Variants in NRF1 observed in about 807,000 individuals in gnomAD.
The protein encoded by NRF1 is nuclear respiratory factor 1, also known as alpha palindromic-binding protein.
Under a neutral mutation model 58.5 loss-of-function variants are expected in NRF1, and 5 were observed. The observed-to-expected ratio is 0.09, with a 90% CI of 0.04 to 0.18. The LOEUF (loss-of-function observed/expected upper bound fraction) is 0.18, where lower values mean the gene tolerates loss of function less well. Ranked by LOEUF, NRF1 falls within the 10% of genes least tolerant of loss-of-function variation. NRF1 has a pLI of 1.00. For missense variants in NRF1, 288 were observed against 657.7 expected (o/e 0.44, Z 6.15); for synonymous variants, 224 against 246.7 (o/e 0.91, Z 0.86).
chr7:129,754,650 A>G lies in NRF1; in HGVS notation c.1349-368A>G, dbSNP rs1804209286. Among the ~76,000 whole-genome samples, 5 of 151,988 alleles carry G rather than the reference A, an allele frequency of 3.3e-5. No homozygotes were observed. In the South Asian group the frequency reaches 1.0e-3, roughly 32 times the overall value. On this transcript the variant is annotated intron_variant, in intron 10 of 10. Transcript: ENST00000393232. ...AGTAGGGTGACTGTAGCGAATAACA[A>G]TGTAGTCTGTGTTTCAAGATAGCTA...
intron 10 of NRF1, among the ~76,000 whole-genome samples, chr7:129,749,038 G>C (rs934216990): frequency 9.5e-4 from 145 of 152,232 alleles, no homozygotes; most frequent in Non-Finnish European, 1.3e-3. Flanking sequence ...ATCAGAGACA[G>C]ACCACTGTAA....
intron 1 of NRF1, among the ~76,000 whole-genome samples, chr7:129,628,122 C>A (rs1382580778): frequency 2.8e-5 from 4 of 141,426 alleles, no homozygotes; most frequent in Non-Finnish European, 6.0e-5. Context: ...TGGCTCACTG[C>A]AAGCTCTGCC....
intron 2 of NRF1, among the ~76,000 whole-genome samples, chr7:129,664,940 G>C (rs1269224640): frequency 1.3e-5 from 2 of 152,192 alleles, no homozygotes; most frequent in African/African-American, 4.8e-5. Context: ...CTTTCATCCA[G>C]TGGTGGGGGA....
intron 10 of NRF1, among the ~76,000 whole-genome samples, chr7:129,739,267 G>C (rs891000041): frequency 6.6e-6 from 1 of 152,210 alleles, no homozygotes; most frequent in Non-Finnish European, 1.5e-5. Context: ...TACGCCCTGA[G>C]ATACTGAATT....
intron 9 of NRF1, among the ~76,000 whole-genome samples, chr7:129,718,203 T>G (rs1803235300): frequency 6.6e-6 from 1 of 152,198 alleles, no homozygotes; most frequent in African/African-American, 2.4e-5. Context: ...GATGCAATTT[T>G]ATTTTTAATG....
At chr7:129,624,156 C>G (rs1275941020) in intron 1 of NRF1, among the ~76,000 whole-genome samples, 1 of 152,128 alleles carries the variant, frequency 6.6e-6, no homozygotes, top group East Asian at 1.9e-4. Context: ...CCCCAGATAC[C>G]AAAGGATGAC....
chr7:129,712,837 A>T (rs1803105597), intron 8 of NRF1, among the ~76,000 whole-genome samples: 1 of 152,190 alleles, frequency 6.6e-6, no homozygotes, highest in African/African-American at 2.4e-5. Flanking sequence ...AAGGATATGG[A>T]TTAGCAAAGC....
At chr7:129,634,061 T>TATATACACAC (rs764569771) in intron 1 of NRF1, among the ~76,000 whole-genome samples, 13 of 131,464 alleles carry the variant, frequency 9.9e-5, no homozygotes, top group African/African-American at 3.8e-4. Flanking sequence ...TATATATATA[T>TATATACACAC]ACACACACAC....
intron 5 of NRF1, among the ~76,000 whole-genome samples, chr7:129,705,875 A>G (rs1802938132): frequency 6.6e-6 from 1 of 152,158 alleles, no homozygotes; most frequent in Non-Finnish European, 1.5e-5. Flanking sequence ...CTGGAGGTTG[A>G]GGCTGCATTG....
chr7:129,662,581 T>TAATA (rs1351050817), intron 2 of NRF1, among the ~76,000 whole-genome samples: 3 of 152,154 alleles, frequency 2.0e-5, no homozygotes, highest in Non-Finnish European at 4.4e-5. Context: ...GGTGTACTAT[T>TAATA]ATATTTCAAT....
chr7:129,753,373 C>CCCT (rs1158770565), intron 10 of NRF1, among the ~76,000 whole-genome samples: 1 of 152,180 alleles, frequency 6.6e-6, no homozygotes, highest in Non-Finnish European at 1.5e-5. Flanking sequence ...TTAGCCTCAT[C>CCCT]CCTCTTTCTG....
chr7:129,647,867 G>A (rs1801445188), intron 1 of NRF1, among the ~76,000 whole-genome samples: 1 of 152,150 alleles, frequency 6.6e-6, no homozygotes, highest in Non-Finnish European at 1.5e-5. Flanking sequence ...CTTCCTCAAG[G>A]CAAGGCCACT....
At chr7:129,717,101 A>G (rs1803210598) in intron 8 of NRF1, 118 bp from the exon 9 acceptor site, 1 of 933,362 alleles carries the variant, frequency 1.1e-6, no homozygotes, top group Non-Finnish European at 1.6e-6. Context: ...ATTGCAGGTC[A>G]TGTTAATTTT....
chr7:129,733,245 A>T (rs1027764806), intron 10 of NRF1, among the ~76,000 whole-genome samples: 3 of 152,130 alleles, frequency 2.0e-5, no homozygotes, highest in African/African-American at 7.2e-5. Flanking sequence ...AGGCGGGTGG[A>T]TCATGAGGTC....
At chr7:129,659,045 G>A (rs1281394721) in intron 2 of NRF1, among the ~76,000 whole-genome samples, 72 of 148,892 alleles carry the variant, frequency 4.8e-4, no homozygotes, top group Non-Finnish European at 1.2e-4. Flanking sequence ...GGATTTGAAG[G>A]GACAACTGTA....
At chr7:129,629,023 C>T (rs940443562) in intron 1 of NRF1, among the ~76,000 whole-genome samples, 46 of 152,212 alleles carry the variant, frequency 3.0e-4, no homozygotes, top group African/African-American at 9.9e-4. Context: ...ATTAGACTCA[C>T]TGTAGCAGAT....
At chr7:129,675,674 T>A (rs747584811) in intron 3 of NRF1, among the ~76,000 whole-genome samples, 9 of 152,230 alleles carry the variant, frequency 5.9e-5, no homozygotes, top group African/African-American at 2.2e-4. Context: ...GAATTTTTTT[T>A]TCTGAGCAGT....
intron 2 of NRF1, among the ~76,000 whole-genome samples, chr7:129,662,755 TA>T (rs1801814844): frequency 2.0e-5 from 3 of 152,156 alleles, no homozygotes; most frequent in Admixed American, 6.5e-5. Flanking sequence ...TTTATTTATT[TA>T]TTTATTTATT....
At chr7:129,621,787 T>TC (rs1800802643) in intron 1 of NRF1, among the ~76,000 whole-genome samples, 1 of 151,228 alleles carries the variant, frequency 6.6e-6, no homozygotes, top group Admixed American at 6.6e-5. Context: ...TAGAATTTTT[T>TC]TTTTTTTTTT....
Sources: allele counts gnomAD v4.1 joint callset (sites outside exome capture counted in the v4.1 genomes callset), GRCh38; gene constraint gnomAD v4.1.1; transcripts MANE v1.5; gene names NCBI Gene and HGNC (gene_info 2026-07-23, HGNC 2026-07-21).